RNASEH2B: variants seen among roughly 807,000 people sequenced by gnomAD.
RNASEH2B encodes the protein ribonuclease H2 subunit B.
A neutral mutation model predicts 45.0 loss-of-function variants in RNASEH2B; 36 were observed. The observed-to-expected ratio is 0.80, with a 90% confidence interval of 0.61 to 1.06. RNASEH2B has a LOEUF of 1.06. Among genes scored for constraint, RNASEH2B ranks in the 50% least tolerant of loss-of-function variants. RNASEH2B has a pLI of 0.00. For missense variants in RNASEH2B, 361 were observed against 360.3 expected (o/e 1.00, Z -0.02); for synonymous variants, 119 against 125.7 (o/e 0.95, Z 0.35).
chr13:50,926,730 A>G (rs976065656), intron 1 of RNASEH2B, among the ~76,000 whole-genome samples: 1 of 152,138 alleles, frequency 6.6e-6, no homozygotes, highest in East Asian at 1.9e-4. Context: ...AAAGATCAAT[A>G]TGATTACATG....
At chr13:50,915,767 C>T (rs766862029) in intron 1 of RNASEH2B, among the ~76,000 whole-genome samples, 1 of 152,160 alleles carries the variant, frequency 6.6e-6, no homozygotes, top group Non-Finnish European at 1.5e-5. Flanking sequence ...CAGAATGGGC[C>T]ACCCCGTGGC....
chr13:50,923,359 A>G (rs1951548949), intron 1 of RNASEH2B, among the ~76,000 whole-genome samples: 1 of 152,222 alleles, frequency 6.6e-6, no homozygotes, highest in Non-Finnish European at 1.5e-5. Context: ...GATAAACTCA[A>G]GGAGATCCAT....
chr13:50,911,330 G>T (rs1158990305), intron 1 of RNASEH2B: 1 of 152,248 alleles, frequency 6.6e-6, no homozygotes, highest in African/African-American at 2.4e-5. Flanking sequence ...TGTTTGGTTG[G>T]TTGGTTAGTT....
chr13:50,954,851 T>C (rs1236997803), intron 10 of RNASEH2B: 1 of 152,202 alleles, frequency 6.6e-6, no homozygotes, highest in Non-Finnish European at 1.5e-5. Context: ...ACATTGAGTA[T>C]TGCTTTTATT....
At chr13:50,964,666 G>C (rs1277899173) in intron 9 of RNASEH2B, among the ~76,000 whole-genome samples, 1 of 152,206 alleles carries the variant, frequency 6.6e-6, no homozygotes, top group Non-Finnish European at 1.5e-5. Context: ...TAGTCAGACA[G>C]GTTGAATAAT....
downstream of RNASEH2B, among the ~76,000 whole-genome samples, chr13:50,958,605 T>C (rs1280205971): frequency 3.3e-5 from 5 of 152,216 alleles, no homozygotes; most frequent in Non-Finnish European, 7.3e-5. Context: ...AATTTTAGAA[T>C]AGTTATTTTC....
intron 6 of RNASEH2B, 30 bp downstream of exon 6, chr13:50,943,424 A>G (rs1951858495): frequency 6.7e-7 from 1 of 1,492,220 alleles, no homozygotes; most frequent in Non-Finnish European, 9.4e-7. Flanking sequence ...CCTTGTGGTA[A>G]AAGTAAAAAT....
intron 4 of RNASEH2B, chr13:50,934,444 A>G: frequency 4.8e-6 from 1 of 207,180 alleles, no homozygotes; most frequent in Admixed American, 5.3e-5. Context: ...CATCATCCCT[A>G]GAGTGATGAT....
chr13:50,967,932 A>G (rs1291147967), intron 9 of RNASEH2B, among the ~76,000 whole-genome samples: 1 of 152,200 alleles, frequency 6.6e-6, no homozygotes, highest in Non-Finnish European at 1.5e-5. Flanking sequence ...TACTTAGAAA[A>G]TGTTTATGAG....
At chr13:50,917,530 C>CA (rs1424109219) in intron 1 of RNASEH2B, among the ~76,000 whole-genome samples, 3 of 152,212 alleles carry the variant, frequency 2.0e-5, no homozygotes, top group Admixed American at 2.0e-4. Context: ...TATAACTTTG[C>CA]AAAACACTTT....
Position 50,944,021 on chromosome 13 carries a change from G to A in RNASEH2B, c.510+627G>A, listed in dbSNP as rs559817755. Among the ~76,000 whole-genome samples the A allele has an allele frequency of 4.0e-5, 6 of 150,744 alleles. No individual in the cohort carries two copies. In the East Asian group the frequency reaches 1.2e-3, roughly 29 times the overall value. On this transcript the variant is annotated intron_variant, in intron 6 of 10. Coordinates refer to ENST00000336617, the MANE Select transcript of RNASEH2B (RefSeq NM_024570.4). ...GGGACAGGACGGGATGGGATGGGAC[G>A]GGACGGACGGGACGTGATGGGACGG... is the stretch of plus-strand genomic sequence containing the variant.
downstream of RNASEH2B, among the ~76,000 whole-genome samples, chr13:50,960,577 TATA>T (rs1334720474): frequency 6.6e-6 from 1 of 152,230 alleles, no homozygotes; most frequent in Non-Finnish European, 1.5e-5. Context: ...TTGAGGTGTC[TATA>T]AAGTTTTTAC....
At chr13:50,931,653 C>T (rs1042828093) in intron 4 of RNASEH2B, among the ~76,000 whole-genome samples, 1 of 152,134 alleles carries the variant, frequency 6.6e-6, no homozygotes, top group African/African-American at 2.4e-5. Context: ...CGGCCCCATA[C>T]ATCTTTGTAG....
intron 5 of RNASEH2B, chr13:50,942,218 T>G (rs1198310791): frequency 6.6e-6 from 1 of 152,160 alleles, no homozygotes; most frequent in African/African-American, 2.4e-5. Flanking sequence ...ATCCCATGAA[T>G]GAAAAGGGTT....
intron 5 of RNASEH2B, chr13:50,942,810 T>C (rs1221163902): frequency 6.4e-6 from 1 of 155,122 alleles, no homozygotes; most frequent in Admixed American, 6.5e-5. Flanking sequence ...AATCAATATG[T>C]GTAAGATGTA....
chr13:50,939,589 G>A lies in RNASEH2B; in HGVS notation c.437-3732G>A, dbSNP rs1024218221. Among the ~76,000 whole-genome samples, 5 of 151,554 alleles carry A rather than the reference G, an allele frequency of 3.3e-5. No individual in the cohort carries two copies. The East Asian group carries it at 9.7e-4, about 29-fold the overall frequency. ...ATAAGGATAAATATATAGATAAATG[G>A]AATAGAATAGAGAATCTAGAAATAA... is the stretch of plus-strand genomic sequence containing the variant. On this transcript the variant is annotated intron_variant, in intron 5 of 10. Transcript: ENST00000336617.
At chr13:50,920,014 GT>G (rs1362061628) in intron 1 of RNASEH2B, among the ~76,000 whole-genome samples, 1 of 137,582 alleles carries the variant, frequency 7.3e-6, no homozygotes, top group Non-Finnish European at 1.5e-5. Flanking sequence ...AGGGTGTTTT[GT>G]TTTGTTTTGT....
chr13:50,956,790 A>C, downstream of RNASEH2B: 1 of 1,031,284 alleles, frequency 9.7e-7, no homozygotes, highest in Non-Finnish European at 1.2e-6. Context: ...TTTTTAATGC[A>C]ACTTTGCATT....
intron 1 of RNASEH2B, among the ~76,000 whole-genome samples, chr13:50,916,744 C>A (rs538146121): frequency 6.6e-6 from 1 of 152,294 alleles, no homozygotes; most frequent in African/African-American, 2.4e-5. Flanking sequence ...GCCTGTGAGT[C>A]TGCCTTAGTA....
Sources: gnomAD v4.1 joint callset for allele counts (sites outside exome capture counted in the v4.1 genomes callset) on GRCh38, gnomAD v4.1.1 for gene constraint, MANE v1.5 for transcripts, NCBI Gene and HGNC (gene_info 2026-07-23, HGNC 2026-07-21) for gene names.